DPP10: variants seen among roughly 807,000 people sequenced by gnomAD.
The protein encoded by DPP10 is dipeptidyl peptidase like 10.
A neutral mutation model predicts 120.9 loss-of-function variants in DPP10; 33 were observed. The ratio of observed to expected loss-of-function variants is 0.27; its 90% CI spans 0.21 to 0.37. The LOEUF (loss-of-function observed/expected upper bound fraction) is 0.37, where lower values mean the gene tolerates loss of function less well. DPP10 is among the 10% of genes least tolerant of loss of function. DPP10 has a pLI of 1.00. For missense variants in DPP10, 816 were observed against 942.8 expected (o/e 0.87, Z 1.76); for synonymous variants, 337 against 326.1 (o/e 1.03, Z -0.36).
intron 1 of DPP10, among the ~76,000 whole-genome samples, chr2:115,305,417 T>C (rs866999917): frequency 5.3e-5 from 8 of 152,180 alleles, no homozygotes; most frequent in Middle Eastern, 6.8e-3. Context: ...AACAAGAGAT[T>C]GTTAACTGAC....
chr2:115,387,180 T>C (rs898624561), intron 3 of DPP10, among the ~76,000 whole-genome samples: 1 of 152,118 alleles, frequency 6.6e-6, no homozygotes, highest in Non-Finnish European at 1.5e-5. Flanking sequence ...CCCCTTCACC[T>C]GTGTTTTTCA....
In DPP10 at chr2:114,695,696, G is replaced by A. The variant is rs539738612; in HGVS notation, c.60+252858G>A. Among the ~76,000 whole-genome samples the A allele has an allele frequency of 3.3e-5, 5 of 152,018 alleles. No individual in the cohort carries two copies. The East Asian group carries it at 9.7e-4, about 29-fold the overall frequency. On this transcript the variant is annotated intron_variant, in intron 1 of 25. Transcript: ENST00000410059. ...CTTTATTCTTAACAGCATTTCTCTG[G>A]TCTAATTCTTTTATGGTTCCAGGGA... is the stretch of plus-strand genomic sequence containing the variant.
chr2:115,319,047 T>A (rs896450486), intron 2 of DPP10, among the ~76,000 whole-genome samples: 28 of 152,170 alleles, frequency 1.8e-4, no homozygotes, highest in Non-Finnish European at 1.3e-4. Context: ...CTTGTTTAGA[T>A]AAAGATTCTT....
chr2:114,663,236 T>TTGTG (rs200462192), intron 1 of DPP10, among the ~76,000 whole-genome samples: 5 of 139,088 alleles, frequency 3.6e-5, no homozygotes, highest in African/African-American at 1.3e-4. Flanking sequence ...ATTAAGAGCC[T>TTGTG]TGTGTGTGTA....
chr2:114,452,013 T>C (rs1047117298), intron 1 of DPP10, among the ~76,000 whole-genome samples: 51 of 152,294 alleles, frequency 3.3e-4, no homozygotes, highest in African/African-American at 1.2e-3. Context: ...AACTTATTAA[T>C]ATATGGTCTT....
intron 1 of DPP10, among the ~76,000 whole-genome samples, chr2:115,024,196 T>G (rs2105196852): frequency 6.6e-6 from 1 of 152,208 alleles, no homozygotes; most frequent in East Asian, 1.9e-4. Context: ...AACAACATAT[T>G]TGGATATTTA....
At chr2:114,759,395 C>A (rs1016557492) in intron 1 of DPP10, among the ~76,000 whole-genome samples, 1 of 152,062 alleles carries the variant, frequency 6.6e-6, no homozygotes, top group African/African-American at 2.4e-5. Context: ...GCATTCTTAT[C>A]TTTCAGACAG....
At chr2:114,551,446 A>G (rs898439229) in intron 1 of DPP10, among the ~76,000 whole-genome samples, 11 of 152,240 alleles carry the variant, frequency 7.2e-5, no homozygotes, top group African/African-American at 2.7e-4. Flanking sequence ...GTGTTCTCCA[A>G]ATAGTAAATA....
intron 1 of DPP10, among the ~76,000 whole-genome samples, chr2:114,825,688 T>A (rs1254164973): frequency 6.6e-6 from 1 of 152,138 alleles, no homozygotes; most frequent in Non-Finnish European, 1.5e-5. Flanking sequence ...ACCCAGAATT[T>A]GAGATAAAGA....
intron 1 of DPP10, among the ~76,000 whole-genome samples, chr2:114,851,800 G>C (rs916904698): frequency 1.3e-5 from 2 of 152,162 alleles, no homozygotes; most frequent in African/African-American, 4.8e-5. Flanking sequence ...ACGCATGTCT[G>C]TCTGTAACTA....
chr2:114,514,430 C>T (rs923911425), intron 1 of DPP10, among the ~76,000 whole-genome samples: 2 of 152,144 alleles, frequency 1.3e-5, no homozygotes, highest in East Asian at 1.9e-4. Context: ...CCTTCAAAAC[C>T]ACCCTATGAT....
rs536425778 is a variant in DPP10, at chr2:114,940,570, A to G, written c.61-368669A>G. Among the ~76,000 whole-genome samples the G allele has an allele frequency of 1.6e-4, 25 of 152,234 alleles. 1 individual carries two copies. In the South Asian group the frequency reaches 4.4e-3, roughly 27 times the overall value. ...AGACCACTCAGCAAAAAAAAAAAAA[A>G]AATGGTGTTTTAATAAGATTCTTGC... On this transcript the variant is annotated intron_variant, in intron 1 of 25. Transcript: ENST00000410059.
At chr2:114,866,751 G>A (rs980324626) in intron 1 of DPP10, among the ~76,000 whole-genome samples, 2 of 152,190 alleles carry the variant, frequency 1.3e-5, no homozygotes, top group African/African-American at 4.8e-5. Flanking sequence ...TTACTATGCA[G>A]CATTTAGTAG....
chr2:115,248,890 G>C (rs531174564), intron 1 of DPP10, among the ~76,000 whole-genome samples: 1 of 152,034 alleles, frequency 6.6e-6, no homozygotes, highest in African/African-American at 2.4e-5. Context: ...AGAAAATCAC[G>C]ATAGTATTGA....
At chr2:114,448,297 T>C (rs929553662) in intron 1 of DPP10, among the ~76,000 whole-genome samples, 4 of 152,190 alleles carry the variant, frequency 2.6e-5, no homozygotes, top group African/African-American at 9.6e-5. Flanking sequence ...TTATGAAGTA[T>C]TTAGTATTTA....
chr2:114,962,904 A>T (rs903883428), intron 1 of DPP10, among the ~76,000 whole-genome samples: 19 of 152,180 alleles, frequency 1.2e-4, no homozygotes, highest in Non-Finnish European at 2.4e-4. Context: ...TAACTTGTAA[A>T]ATCTTTAATG....
chr2:114,937,920 T>G (rs548277907), intron 1 of DPP10, among the ~76,000 whole-genome samples: 26 of 152,326 alleles, frequency 1.7e-4, no homozygotes, highest in Middle Eastern at 3.4e-3. Flanking sequence ...ACAGGGAGTT[T>G]AGTACAAAGT....
chr2:114,760,380 T>C (rs746891992), intron 1 of DPP10, among the ~76,000 whole-genome samples: 2 of 152,142 alleles, frequency 1.3e-5, no homozygotes, highest in Non-Finnish European at 2.9e-5. Flanking sequence ...TGAGGTGAGA[T>C]AAACCTGTGG....
chr2:115,587,424 A>G (rs567792429), intron 5 of DPP10, among the ~76,000 whole-genome samples: 12 of 152,174 alleles, frequency 7.9e-5, no homozygotes, highest in African/African-American at 1.7e-4. Flanking sequence ...CTCTGCTTCT[A>G]TGAATTTGAA....
Sources: allele counts gnomAD v4.1 joint callset (sites outside exome capture counted in the v4.1 genomes callset), GRCh38; gene constraint gnomAD v4.1.1; transcripts MANE v1.5; gene names NCBI Gene and HGNC (gene_info 2026-07-23, HGNC 2026-07-21).